AFG1L: variants seen among roughly 807,000 people sequenced by gnomAD.
AFG1L encodes the protein AFG1-like ATPase.
In AFG1L, 53 loss-of-function variants were observed where a neutral mutation model predicts 62.2. The observed-to-expected ratio is 0.85, with a 90% CI of 0.68 to 1.07. The LOEUF is 1.07. Among genes scored for constraint, AFG1L ranks in the 50% least tolerant of loss-of-function variants. The probability of loss-of-function intolerance (pLI) is 0.00; values close to 1 mark genes in which losing one functional copy is unlikely to be tolerated. For missense variants in AFG1L, 555 were observed against 590.5 expected, an observed-to-expected ratio of 0.94 and a Z score of 0.62; for synonymous variants, 228 against 210.3, an observed-to-expected ratio of 1.08 and a Z score of -0.73.
intron 10 of AFG1L, among the ~76,000 whole-genome samples, chr6:108,508,005 T>TAA (rs1200083934): frequency 8.5e-5 from 13 of 152,190 alleles, no homozygotes; most frequent in African/African-American, 3.1e-4. Flanking sequence ...AAAATAAAAG[T>TAA]AGCCAAGATG....
At chr6:108,518,731 T>C (rs1272288778) in intron 11 of AFG1L, among the ~76,000 whole-genome samples, 1 of 152,236 alleles carries the variant, frequency 6.6e-6, no homozygotes, top group Non-Finnish European at 1.5e-5. Flanking sequence ...TGATCACATA[T>C]GAACACTCAT....
At chr6:108,456,272 A>G (rs547085616) in intron 8 of AFG1L, among the ~76,000 whole-genome samples, 1 of 152,124 alleles carries the variant, frequency 6.6e-6, no homozygotes, top group South Asian at 2.1e-4. Context: ...TGTTTGCATG[A>G]TATGTCTTTT....
At chr6:108,358,541 AT>A (rs1173035214) in intron 5 of AFG1L, among the ~76,000 whole-genome samples, 2 of 151,694 alleles carry the variant, frequency 1.3e-5, no homozygotes, top group African/African-American at 2.4e-5. Context: ...TTTTATTTTT[AT>A]TTTTTTTGAG....
intron 10 of AFG1L, among the ~76,000 whole-genome samples, chr6:108,495,759 C>T (rs556700823): frequency 2.4e-4 from 36 of 152,258 alleles, no homozygotes; most frequent in African/African-American, 6.5e-4. Flanking sequence ...ATTTAAAGTT[C>T]TTTAAGTTTT....
At chr6:108,364,522 C>T (rs1381904513) in intron 5 of AFG1L, among the ~76,000 whole-genome samples, 2 of 152,152 alleles carry the variant, frequency 1.3e-5, no homozygotes, top group Non-Finnish European at 2.9e-5. Flanking sequence ...ATTAATCATA[C>T]AGTCAAATGA....
At position 108,414,238 on chromosome 6, in the gene AFG1L, T is replaced by C. The variant is rs570441469; in HGVS notation, c.807+12184T>C. On this transcript the variant is annotated intron_variant, in intron 7 of 12. Coordinates refer to ENST00000368977, the MANE Select transcript of AFG1L (RefSeq NM_145315.5). The stretch of plus-strand genomic sequence containing the variant: ...CTAAACCAGGAAGAAGTTGAATCCT[T>C]GTATAGACCAATAACAGGTTCTGAA... 3.3e-5 allele frequency among the ~76,000 whole-genome samples: 5 copies of C among 152,284 alleles called. No homozygotes were observed. In the South Asian group the frequency reaches 8.3e-4, roughly 25 times the overall value.
intron 11 of AFG1L, among the ~76,000 whole-genome samples, chr6:108,517,034 T>C (rs1203601429): frequency 2.6e-5 from 4 of 152,214 alleles, no homozygotes; most frequent in Admixed American, 6.5e-5. Flanking sequence ...CATTCCATGC[T>C]CATGGGTAGG....
intron 6 of AFG1L, among the ~76,000 whole-genome samples, chr6:108,394,230 C>T (rs1001780811): frequency 2.0e-5 from 3 of 151,450 alleles, no homozygotes; most frequent in Non-Finnish European, 2.9e-5. Flanking sequence ...TCACTGCAAC[C>T]TTTGCCTCCT....
At chr6:108,439,434 T>C (rs923908897) in intron 7 of AFG1L, among the ~76,000 whole-genome samples, 10 of 152,212 alleles carry the variant, frequency 6.6e-5, no homozygotes, top group Non-Finnish European at 1.0e-4. Flanking sequence ...ATTAAATATA[T>C]GAAACATCTT....
intron 6 of AFG1L, among the ~76,000 whole-genome samples, chr6:108,378,875 C>A (rs968764136): frequency 6.7e-6 from 1 of 148,382 alleles, no homozygotes; most frequent in Non-Finnish European, 1.5e-5. Context: ...ATTATTAATT[C>A]TTCTTTCCTT....
chr6:108,492,432 C>T (rs1435647066), intron 10 of AFG1L, among the ~76,000 whole-genome samples: 1 of 152,166 alleles, frequency 6.6e-6, no homozygotes, highest in African/African-American at 2.4e-5. Context: ...ATTACTTCAT[C>T]ATTATTATAT....
intron 7 of AFG1L, among the ~76,000 whole-genome samples, chr6:108,412,136 G>A (rs1389681090): frequency 1.3e-5 from 2 of 152,170 alleles, no homozygotes; most frequent in Admixed American, 6.5e-5. Flanking sequence ...TTCAATGGCC[G>A]ATTTGATCAA....
intron 8 of AFG1L, among the ~76,000 whole-genome samples, chr6:108,454,122 C>G (rs1187255292): frequency 6.6e-6 from 1 of 152,188 alleles, no homozygotes. Flanking sequence ...TATGAGCTGG[C>G]TCTACTCCTC....
chr6:108,515,748 C>T (rs1249343093), intron 11 of AFG1L, among the ~76,000 whole-genome samples: 16 of 151,978 alleles, frequency 1.1e-4, no homozygotes, highest in Non-Finnish European at 2.1e-4. Context: ...ATTGATAGAC[C>T]ACTAGCAAGA....
At chr6:108,472,897 A>G (rs1041124208) in intron 8 of AFG1L, among the ~76,000 whole-genome samples, 21 of 150,988 alleles carry the variant, frequency 1.4e-4, no homozygotes, top group African/African-American at 3.9e-4. Flanking sequence ...TCCACCTCCC[A>G]GGTTCAAGGA....
At position 108,384,298 on chromosome 6, in the gene AFG1L, A is replaced by G. The variant is rs2114566613; in HGVS notation, c.749-17698A>G. Among the ~76,000 whole-genome samples the G allele has an allele frequency of 1.3e-5, 2 of 152,246 alleles. 1 individual carries two copies. Among genetic ancestry groups the G allele is most frequent in the South Asian group, 4.1e-4 (2 of 4,828 alleles). On this transcript the variant is annotated intron_variant, in intron 6 of 12. Coordinates refer to ENST00000368977, the MANE Select transcript of AFG1L (RefSeq NM_145315.5). ...AAAATGAGAAATGGATCCCAGAGAG[A>G]ACTAGATTGGTATAGCCTGAGGTTC...
At chr6:108,439,567 A>G (rs1376908969) in intron 7 of AFG1L, among the ~76,000 whole-genome samples, 3 of 152,210 alleles carry the variant, frequency 2.0e-5, no homozygotes, top group South Asian at 2.1e-4. Context: ...GCAAAATTCT[A>G]TGGTGCTAGA....
intron 8 of AFG1L, among the ~76,000 whole-genome samples, chr6:108,464,712 A>C (rs1474288621): frequency 6.6e-6 from 1 of 152,190 alleles, no homozygotes; most frequent in Non-Finnish European, 1.5e-5. Context: ...CAAAAGAAAA[A>C]AGAGCCCATC....
intron 1 of AFG1L, among the ~76,000 whole-genome samples, chr6:108,313,001 G>C (rs1323761913): frequency 6.6e-6 from 1 of 152,162 alleles, no homozygotes. Context: ...AAGTACAAAG[G>C]CAGGAAGGAG....
Sources: gnomAD v4.1 joint callset for allele counts (sites outside exome capture counted in the v4.1 genomes callset) on GRCh38, gnomAD v4.1.1 for gene constraint, MANE v1.5 for transcripts, NCBI Gene and HGNC (gene_info 2026-07-23, HGNC 2026-07-21) for gene names.